PAPOLG: variants seen among roughly 807,000 people sequenced by gnomAD.
The protein encoded by PAPOLG is PAP-gamma.
A neutral mutation model predicts 99.0 loss-of-function variants in PAPOLG; 40 were observed. The observed-to-expected ratio is 0.40, with a 90% CI of 0.31 to 0.53. PAPOLG has a LOEUF of 0.53. Among genes scored for constraint, PAPOLG ranks in the 20% least tolerant of loss-of-function variants. The pLI, the probability that PAPOLG is intolerant of heterozygous loss-of-function variation, is 0.41. For synonymous variants in PAPOLG, 310 were observed against 299.3 expected (o/e 1.04, Z -0.37); for missense variants, 675 against 884.1 (o/e 0.76, Z 3.00).
intron 3 of PAPOLG, among the ~76,000 whole-genome samples, chr2:60,767,186 G>A (rs1014802973): frequency 1.3e-5 from 2 of 152,154 alleles, no homozygotes; most frequent in African/African-American, 4.8e-5. Context: ...AACAAAAATA[G>A]AGAACTCAGA....
intron 5 of PAPOLG, among the ~76,000 whole-genome samples, chr2:60,769,390 C>A (rs1391742960): frequency 3.3e-5 from 5 of 152,128 alleles, no homozygotes; most frequent in Admixed American, 6.5e-5. Context: ...CTTACAGATA[C>A]AATAGTAAAC....
At chr2:60,770,765 A>T (rs924982321) in intron 6 of PAPOLG, among the ~76,000 whole-genome samples, 1 of 152,004 alleles carries the variant, frequency 6.6e-6, no homozygotes, top group African/African-American at 2.4e-5. Context: ...CTAGGATTCC[A>T]GGCACACACC....
At position 60,794,183 on chromosome 2, in the gene PAPOLG, G is replaced by A. The variant is rs769413114; in HGVS notation, c.1981G>A (p.Val661Ile). 21 of 1,611,270 alleles carry A rather than the reference G, an allele frequency of 1.3e-5. No homozygotes were observed. The highest frequency in any genetic ancestry group is 4.5e-5 in the East Asian group (2 of 44,876). Residue 661 changes from valine to isoleucine, a missense_variant, in exon 19 of 22, where the codon GTA becomes ATA. Val to Ile is a conservative substitution (Grantham distance 29, BLOSUM62 3). Coordinates refer to ENST00000238714, the MANE Select transcript of PAPOLG (RefSeq NM_022894.4). Reference sequence around the variant, plus strand: ...TGGGACTCCTAAGAGGTTGAAAGACGTAGAAAAGGTAAAGTTACAACTTTA... The same window carrying A: ...TGGGACTCCTAAGAGGTTGAAAGACATAGAAAAGGTAAAGTTACAACTTTA... ...IDGTPKRLKD[V>I]EKFIRLESTF...
chr2:60,781,379 C>T (rs899858760), intron 10 of PAPOLG, among the ~76,000 whole-genome samples: 2 of 151,990 alleles, frequency 1.3e-5, no homozygotes, highest in African/African-American at 4.8e-5. Context: ...TAATTGGTTA[C>T]TAATAATAAA....
rs200746381 is a variant in PAPOLG at position 60,787,604 on chromosome 2, G to A, written c.1380G>A (p.Gln460=). Residue 460 remains glutamine, a synonymous_variant, in exon 15 of 22, where the codon CAG becomes CAA. Coordinates refer to ENST00000238714, the MANE Select transcript of PAPOLG (RefSeq NM_022894.4). ...SVNIDLTYDI[Q]SFTDTVYRQA... ...ACATAGACTTGACATATGATATACA[G>A]TCATTTACTGATACAGGTAAGACTC... 1 of 1,613,566 alleles carries A rather than the reference G, an allele frequency of 6.2e-7. No homozygotes were observed. The highest frequency in any genetic ancestry group is 1.7e-5 in the Admixed American group (1 of 59,906).
chr2:60,776,188 G>A (rs879816692), intron 8 of PAPOLG, among the ~76,000 whole-genome samples: 5 of 152,152 alleles, frequency 3.3e-5, no homozygotes, highest in African/African-American at 4.8e-5. Flanking sequence ...ACTGGAGCTC[G>A]TGGGTGACTA....
intron 15 of PAPOLG, among the ~76,000 whole-genome samples, chr2:60,790,244 T>A (rs1169723462): frequency 6.6e-6 from 1 of 152,232 alleles, no homozygotes; most frequent in Non-Finnish European, 1.5e-5. Context: ...TCGCCATAAA[T>A]TTTTCCATTC....
intron 1 of PAPOLG, 124 bp downstream of exon 1, chr2:60,756,619 T>G: frequency 7.4e-6 from 8 of 1,087,602 alleles, no homozygotes; most frequent in East Asian, 2.8e-5. Context: ...GATGGTCTCC[T>G]TCCCGGCTCC....
At chr2:60,783,809 G>A (rs1367477768) in intron 13 of PAPOLG, among the ~76,000 whole-genome samples, 1 of 151,604 alleles carries the variant, frequency 6.6e-6, no homozygotes, top group Non-Finnish European at 1.5e-5. Context: ...TGGAGCTTCA[G>A]TGTTTAAAAT....
rs753719887 is a variant in PAPOLG, at chr2:60,792,163, G to T, written c.1553G>T (p.Gly518Val). Residue 518 changes from glycine (G) to valine (V), a missense_variant, in exon 17 of 22, where the codon GGA (glycine) becomes GTA (valine). Transcript: ENST00000238714. Reference sequence around the variant, plus strand: ...TCTGATGTCAATCGAAGCTCGGGCGGACTTCAATCCAAAAGATTGTCTCTG... The same window carrying T: ...TCTGATGTCAATCGAAGCTCGGGCGTACTTCAATCCAAAAGATTGTCTCTG... ...SLSDVNRSSGGLQSKRLSLDS... is the reference protein window; with the variant it reads ...SLSDVNRSSGVLQSKRLSLDS... 1.3e-6 allele frequency: 2 copies of T among 1,594,300 alleles called. No homozygotes were observed. Among genetic ancestry groups the T allele is most frequent in the South Asian group, 2.3e-5 (2 of 86,484 alleles).
chr2:60,775,002 A>C, intron 7 of PAPOLG, 32 bp from the exon 8 acceptor site: 1 of 1,611,206 alleles, frequency 6.2e-7, no homozygotes, highest in Non-Finnish European at 8.5e-7. Flanking sequence ...AATTTGCTGC[A>C]TAGTGAAAAA....
chr2:60,791,476 C>A, intron 15 of PAPOLG: 1 of 197,654 alleles, frequency 5.1e-6, no homozygotes, highest in Non-Finnish European at 1.0e-5. Flanking sequence ...GGCTTGAACC[C>A]AGGAGGTGGA....
At chr2:60,793,875 C>T in intron 18 of PAPOLG, 96 bp from the exon 19 acceptor site, 1 of 1,437,236 alleles carries the variant, frequency 7.0e-7, no homozygotes, top group Non-Finnish European at 9.5e-7. Flanking sequence ...CAAGCCACTG[C>T]ACTGCAGCCT....
chr2:60,791,687 G>A, intron 15 of PAPOLG, 74 bp from the exon 16 acceptor site: 4 of 1,528,554 alleles, frequency 2.6e-6, no homozygotes, highest in Non-Finnish European at 3.5e-6. Context: ...AAAAGTATAT[G>A]CATTTCAGAA....
At chr2:60,792,637 G>A (rs1671575192) in intron 17 of PAPOLG, among the ~76,000 whole-genome samples, 1 of 152,212 alleles carries the variant, frequency 6.6e-6, no homozygotes, top group South Asian at 2.1e-4. Flanking sequence ...GCTCAGGCCT[G>A]TAATCCTAGC....
At chr2:60,795,149 T>A in intron 21 of PAPOLG, 129 bp downstream of exon 21, 1 of 765,732 alleles carries the variant, frequency 1.3e-6, no homozygotes, top group Non-Finnish European at 2.2e-6. Flanking sequence ...CCCCAAGGAC[T>A]AGCAGTGTAG....
At chr2:60,768,362 A>G (rs916006831) in intron 3 of PAPOLG, 108 bp from the exon 4 acceptor site, 25 of 1,145,030 alleles carry the variant, frequency 2.2e-5, no homozygotes, top group East Asian at 1.5e-4. Flanking sequence ...TTGGCCTCCT[A>G]TAGTGCTGGG....
chr2:60,770,590 A>G (rs1333241970), intron 6 of PAPOLG, 79 bp downstream of exon 6: 3 of 872,964 alleles, frequency 3.4e-6, no homozygotes, highest in East Asian at 5.5e-5. Flanking sequence ...CAGGCTTAAC[A>G]TAAATGCATA....
Position 60,797,397 on chromosome 2 carries a change from C to T in PAPOLG, c.*237C>T, listed in dbSNP as rs1671743968. 1.9e-6 allele frequency: 1 copy of T among 529,496 alleles called. No homozygotes were observed. Among genetic ancestry groups the T allele is most frequent in the Non-Finnish European group, 3.4e-6 (1 of 298,418 alleles). The allele number at this position is 529,496 out of a possible 1,614,324, so 32.8% of individuals were successfully genotyped here. A position where few individuals can be genotyped will look rare whatever the true frequency, so the allele number is the denominator to read the frequency against. ...GGATCACCTGCTGTCAAATTGCCATCTACAGTATTACAGCTTTGCATTTGG... is the reference window on the plus strand; with the variant it reads ...GGATCACCTGCTGTCAAATTGCCATTTACAGTATTACAGCTTTGCATTTGG... On this transcript the variant is annotated 3_prime_UTR_variant, in exon 22 of 22. Coordinates refer to ENST00000238714, the MANE Select transcript of PAPOLG (RefSeq NM_022894.4).
Sources: gnomAD v4.1 joint callset for allele counts (sites outside exome capture counted in the v4.1 genomes callset) on GRCh38, gnomAD v4.1.1 for gene constraint, MANE v1.5 for transcripts, NCBI Gene and HGNC (gene_info 2026-07-23, HGNC 2026-07-21) for gene names.